Variants in KPNA3 observed in about 807,000 individuals in gnomAD.
KPNA3 encodes the protein importin subunit alpha-4.
Under a neutral mutation model 73.8 loss-of-function variants are expected in KPNA3, and 13 were observed. That is an observed-to-expected ratio of 0.18 (90% confidence interval 0.11 to 0.28). The LOEUF is 0.28. Among genes scored for constraint, KPNA3 ranks in the 10% least tolerant of loss-of-function variants. KPNA3 has a pLI of 1.00. For missense variants in KPNA3, 360 were observed against 618.1 expected, an observed-to-expected ratio of 0.58 and a Z score of 4.43; for synonymous variants, 186 against 206.9, an observed-to-expected ratio of 0.90 and a Z score of 0.87.
At chr13:49,706,740 TTTC>T (rs1312814313) in intron 12 of KPNA3, among the ~76,000 whole-genome samples, 1 of 112,934 alleles carries the variant, frequency 8.9e-6, no homozygotes, top group African/African-American at 3.0e-5. Flanking sequence ...TACAACTGAA[TTTC>T]TTTTTTCTTT....
At chr13:49,735,425 A>G (rs1035062128) in intron 2 of KPNA3, among the ~76,000 whole-genome samples, 1 of 152,092 alleles carries the variant, frequency 6.6e-6, no homozygotes, top group African/African-American at 2.4e-5. Context: ...CCCGCCCCAT[A>G]CTTTACTCTT....
chr13:49,709,762 T>C, intron 11 of KPNA3, 62 bp from the exon 12 acceptor site: 1 of 1,496,188 alleles, frequency 6.7e-7, no homozygotes, highest in Non-Finnish European at 9.0e-7. Context: ...TTCTATATTT[T>C]TCATAATCCT....
intron 1 of KPNA3, among the ~76,000 whole-genome samples, chr13:49,774,926 G>C (rs7317201): frequency 0.027 from 4,164 of 152,190 alleles, 193 homozygotes; most frequent in African/African-American, 0.094. Flanking sequence ...GGCCAAGGCA[G>C]GTGGATTACC....
intron 1 of KPNA3, among the ~76,000 whole-genome samples, chr13:49,784,598 C>A (rs911487096): frequency 2.0e-5 from 3 of 152,120 alleles, no homozygotes; most frequent in African/African-American, 7.2e-5. Context: ...TACAAATTAG[C>A]CTTAATCACT....
intron 1 of KPNA3, among the ~76,000 whole-genome samples, chr13:49,778,586 A>C (rs558799688): frequency 6.6e-6 from 1 of 152,292 alleles, no homozygotes; most frequent in East Asian, 1.9e-4. Flanking sequence ...GGAGTTCAAT[A>C]TATTATTCTC....
intron 1 of KPNA3, among the ~76,000 whole-genome samples, chr13:49,777,953 C>A (rs1954910879): frequency 6.6e-6 from 1 of 152,120 alleles, no homozygotes; most frequent in African/African-American, 2.4e-5. Flanking sequence ...ACATAACCCA[C>A]ATTAACCCAC....
At chr13:49,748,361 A>C (rs1954636022) in intron 1 of KPNA3, among the ~76,000 whole-genome samples, 1 of 152,162 alleles carries the variant, frequency 6.6e-6, no homozygotes, top group Non-Finnish European at 1.5e-5. Flanking sequence ...CCTTATGGGG[A>C]AACACTGAAA....
chr13:49,760,219 G>C (rs1954747533), intron 1 of KPNA3, among the ~76,000 whole-genome samples: 1 of 151,954 alleles, frequency 6.6e-6, no homozygotes, highest in South Asian at 2.1e-4. Context: ...AGACCAGCCT[G>C]GGCAACATGA....
chr13:49,780,277 A>G (rs1954930613), intron 1 of KPNA3, among the ~76,000 whole-genome samples: 2 of 152,268 alleles, frequency 1.3e-5, no homozygotes, highest in African/African-American at 4.8e-5. Context: ...CTCAAGACAC[A>G]GGTGAATAGC....
intron 1 of KPNA3, among the ~76,000 whole-genome samples, chr13:49,761,663 C>T (rs371259090): frequency 0.14 from 17,207 of 126,444 alleles, 1,514 homozygotes; most frequent in East Asian, 0.57. Context: ...GCCGCCACCC[C>T]GTCTGGGAAG....
intron 6 of KPNA3, among the ~76,000 whole-genome samples, chr13:49,731,255 T>TG: frequency 6.9e-6 from 1 of 145,224 alleles, no homozygotes; most frequent in South Asian, 2.3e-4. Context: ...TCGTGTTTTT[T>TG]TTTTTTTTTT....
Position 49,770,179 on chromosome 13 carries a change from CTTTTTTTTTTT to C in KPNA3, c.69+22248_69+22258del, listed in dbSNP as rs35910811. 5.7e-4 allele frequency among the ~76,000 whole-genome samples: 48 copies of C among 83,842 alleles called. No individual in the cohort carries two copies. In the East Asian group the frequency reaches 0.015, roughly 26 times the overall value. The allele number at this position is 83,842 out of a possible 152,430, so 55.0% of individuals were successfully genotyped here. On this transcript the variant is annotated intron_variant, in intron 1 of 16. Transcript: ENST00000261667. The stretch of plus-strand genomic sequence containing the variant: ...ATTTTTTCCTCCCATTTGTGGGCTG[CTTTTTTTTTTT>C]TTTTTTTTTTTTGGAGACAGGGTCT...
At chr13:49,761,099 T>C (rs1200230838) in intron 1 of KPNA3, among the ~76,000 whole-genome samples, 1 of 152,238 alleles carries the variant, frequency 6.6e-6, no homozygotes, top group East Asian at 1.9e-4. Context: ...CGTCATACTT[T>C]GGGAGGTCAC....
intron 9 of KPNA3, 79 bp from the exon 10 acceptor site, chr13:49,719,898 C>T (rs1391244877): frequency 1.3e-5 from 12 of 931,580 alleles, no homozygotes; most frequent in South Asian, 8.6e-5. Flanking sequence ...ACATAAAAAG[C>T]GGTAAATATG....
At chr13:49,726,885 T>C (rs1267306575) in intron 6 of KPNA3, among the ~76,000 whole-genome samples, 2 of 151,894 alleles carry the variant, frequency 1.3e-5, no homozygotes, top group African/African-American at 4.8e-5. Context: ...CCTAGGAGTT[T>C]GAGGATTCAA....
chr13:49,737,743 G>A (rs997156011), intron 2 of KPNA3, among the ~76,000 whole-genome samples: 3 of 152,008 alleles, frequency 2.0e-5, no homozygotes, highest in South Asian at 2.1e-4. Context: ...TGAGTAGCTG[G>A]GAATACAGGT....
At chr13:49,722,611 T>C (rs774497798) in intron 7 of KPNA3, 48 bp from the exon 8 acceptor site, 3 of 1,202,732 alleles carry the variant, frequency 2.5e-6, no homozygotes, top group Non-Finnish European at 3.6e-6. Flanking sequence ...TGTTGAAGAG[T>C]TTACAGATTT....
At chr13:49,768,404 T>C (rs1566357304) in intron 1 of KPNA3, among the ~76,000 whole-genome samples, 2 of 152,118 alleles carry the variant, frequency 1.3e-5, no homozygotes, top group Non-Finnish European at 2.9e-5. Flanking sequence ...TAATCCAGTC[T>C]GACAATCTCT....
intron 11 of KPNA3, among the ~76,000 whole-genome samples, chr13:49,710,028 G>A (rs1206588727): frequency 1.3e-5 from 2 of 152,160 alleles, no homozygotes; most frequent in African/African-American, 4.8e-5. Context: ...TTGGGAGGCC[G>A]AGGCGGGGGG....
Sources: gnomAD v4.1 joint callset for allele counts (sites outside exome capture counted in the v4.1 genomes callset) on GRCh38, gnomAD v4.1.1 for gene constraint, MANE v1.5 for transcripts, NCBI Gene and HGNC (gene_info 2026-07-23, HGNC 2026-07-21) for gene names.